The following HECW2 variants were observed in gnomAD, a reference collection of about 807,000 sequenced individuals.
HECW2 encodes HECT, C2 and WW domain containing E3 ubiquitin protein ligase 2.
A neutral mutation model predicts 175.2 loss-of-function variants in HECW2; 61 were observed. The observed-to-expected ratio is 0.35, with a 90% CI of 0.28 to 0.43. HECW2 has a LOEUF of 0.43. Ranked by LOEUF, HECW2 falls within the 20% of genes least tolerant of loss-of-function variation. HECW2 has a pLI of 1.00. For synonymous variants in HECW2, 671 were observed against 731.0 expected (o/e 0.92, Z 1.32); for missense variants, 1,524 against 2,000.5 (o/e 0.76, Z 4.54).
intron 1 of HECW2, among the ~76,000 whole-genome samples, chr2:196,496,207 A>ATG (rs577659402): frequency 7.1e-4 from 107 of 151,538 alleles, no homozygotes; most frequent in Non-Finnish European, 1.1e-3. Context: ...TTACCTTTGT[A>ATG]TGTGTGTGTG....
intron 10 of HECW2, among the ~76,000 whole-genome samples, chr2:196,309,551 T>C (rs1691403092): frequency 6.6e-6 from 1 of 152,212 alleles, no homozygotes; most frequent in Non-Finnish European, 1.5e-5. Flanking sequence ...AACACTTTGA[T>C]TTATTTCACT....
At chr2:196,324,862 C>T (rs917686739) in intron 6 of HECW2, 118 bp downstream of exon 6, 22 of 745,078 alleles carry the variant, frequency 3.0e-5, no homozygotes, top group Non-Finnish European at 4.6e-5. Context: ...GTACCCCTTC[C>T]CAGCAGAACC....
At chr2:196,502,875 A>G (rs1283058597) in intron 1 of HECW2, among the ~76,000 whole-genome samples, 1 of 152,242 alleles carries the variant, frequency 6.6e-6, no homozygotes, top group Non-Finnish European at 1.5e-5. Flanking sequence ...CAAAGAGTAC[A>G]CATGGAGGTC....
At chr2:196,270,003 A>G (rs1348683973) in intron 17 of HECW2, among the ~76,000 whole-genome samples, 1 of 152,216 alleles carries the variant, frequency 6.6e-6, no homozygotes, top group East Asian at 1.9e-4. Flanking sequence ...TTTGTATTAT[A>G]TAAAGCTTCC....
chr2:196,501,523 G>C (rs758397251), intron 1 of HECW2, among the ~76,000 whole-genome samples: 9 of 152,160 alleles, frequency 5.9e-5, no homozygotes, highest in Middle Eastern at 3.4e-3. Flanking sequence ...AGTGCTAGGA[G>C]TACAGGCATG....
intron 1 of HECW2, among the ~76,000 whole-genome samples, chr2:196,570,857 T>C (rs1315288832): frequency 1.3e-5 from 2 of 152,192 alleles, no homozygotes; most frequent in Non-Finnish European, 2.9e-5. Context: ...CTTTAGAAAG[T>C]GCATGTGAGG....
At chr2:196,357,612 C>T (rs1287295093) in intron 2 of HECW2, among the ~76,000 whole-genome samples, 1 of 152,132 alleles carries the variant, frequency 6.6e-6, no homozygotes, top group Non-Finnish European at 1.5e-5. Flanking sequence ...GCTCTGTGTC[C>T]CTACCCAAAT....
At chr2:196,295,179 T>G (rs1426274743) in intron 13 of HECW2, among the ~76,000 whole-genome samples, 1 of 151,878 alleles carries the variant, frequency 6.6e-6, no homozygotes, top group East Asian at 1.9e-4. Flanking sequence ...GAGCAGAGAG[T>G]ACTGTCAATG....
chr2:196,462,403 A>G (rs1018943630), intron 1 of HECW2, among the ~76,000 whole-genome samples: 1 of 152,198 alleles, frequency 6.6e-6, no homozygotes, highest in Admixed American at 6.5e-5. Context: ...TTTTTCTTCA[A>G]TGCAAATTCT....
At position 196,526,165 on chromosome 2, in the gene HECW2, C is replaced by G. The variant is rs575386798; in HGVS notation, c.-36+67343G>C. Among the ~76,000 whole-genome samples the G allele has an allele frequency of 7.2e-3, 207 of 28,836 alleles. 5 individuals carry two copies. Among genetic ancestry groups the G allele is most frequent in the Middle Eastern group, 0.03 (5 of 164 alleles). The allele number at this position is 28,836 out of a possible 152,430, so 18.9% of individuals were successfully genotyped here. A position where few individuals can be genotyped will look rare whatever the true frequency, so the allele number is the denominator to read the frequency against. On this transcript the variant is annotated intron_variant, in intron 1 of 28. Transcript: ENST00000644978. ...CACATAGTCCCATATTTCTTGGAGG[C>G]TTTGCTCATTTCTTTTTATTCTTTT...
At chr2:196,332,652 T>C (rs1030533601) in intron 4 of HECW2, among the ~76,000 whole-genome samples, 2 of 152,196 alleles carry the variant, frequency 1.3e-5, no homozygotes, top group African/African-American at 4.8e-5. Context: ...GATATCTAAA[T>C]ACTGAAATTG....
rs570610167 is a variant in HECW2, at chr2:196,463,739, G to C, written c.-35-30281C>G. Among the ~76,000 whole-genome samples the C allele has an allele frequency of 6.6e-5, 10 of 152,214 alleles. No individual in the cohort carries two copies. The South Asian group carries it at 2.1e-3, about 32-fold the overall frequency. On this transcript the variant is annotated intron_variant, in intron 1 of 28. Transcript: ENST00000644978. ...ATAACACTGTTTTTTGTTATAATCT[G>C]CCTCACTCTGAAACCTTCTACCCTT...
intron 14 of HECW2, among the ~76,000 whole-genome samples, chr2:196,280,855 T>C (rs764903032): frequency 7.9e-5 from 12 of 152,228 alleles, no homozygotes; most frequent in Non-Finnish European, 1.8e-4. Context: ...AATACCTATT[T>C]TTAAATAATA....
intron 2 of HECW2, among the ~76,000 whole-genome samples, chr2:196,427,415 T>C (rs1340254477): frequency 6.6e-6 from 1 of 152,142 alleles, no homozygotes; most frequent in Non-Finnish European, 1.5e-5. Context: ...GAAGTGTTTG[T>C]TTTTCTTTTG....
At position 196,543,040 on chromosome 2, in the gene HECW2, A is replaced by C. The variant is rs548720455; in HGVS notation, c.-36+50468T>G. 1.0e-3 allele frequency among the ~76,000 whole-genome samples: 153 copies of C among 150,078 alleles called. 2 individuals carry two copies. The highest frequency in any genetic ancestry group is 9.6e-3 in the South Asian group (46 of 4,792). On this transcript the variant is annotated intron_variant, in intron 1 of 28. Transcript: ENST00000644978. ...TGTAATACACACACACACACAAAGG[A>C]AAAAAGGACAACAGTAAGTTTGTCA...
rs375270582 is a variant in HECW2 at position 196,269,021 on chromosome 2, A to C, written c.3335+2172T>G. Among the ~76,000 whole-genome samples, 5 of 152,358 alleles carry C rather than the reference A, an allele frequency of 3.3e-5. No homozygotes were observed. The East Asian group carries it at 9.6e-4, about 29-fold the overall frequency. ...TTATTATAATTTTTCCGTGGTTAAG[A>C]ACAGCATGCTTATGTTGGGGAAGGC... is the stretch of plus-strand genomic sequence containing the variant. On this transcript the variant is annotated intron_variant, in intron 17 of 28. Transcript: ENST00000644978.
At chr2:196,406,352 C>T (rs1490828066) in intron 2 of HECW2, among the ~76,000 whole-genome samples, 5 of 152,212 alleles carry the variant, frequency 3.3e-5, no homozygotes, top group African/African-American at 1.2e-4. Flanking sequence ...CTGTTTCCCA[C>T]ACCAATCTAA....
rs181735392 is a variant in HECW2 at position 196,203,075 on chromosome 2, A to G, written c.4608-1687T>C. On this transcript the variant is annotated intron_variant, in intron 28 of 28. Transcript: ENST00000644978. ...TTTCTACTTGTGGCATCATGTTGGC[A>G]CTCAAAAAGTTTTGGATTTTGGAGC... is the stretch of plus-strand genomic sequence containing the variant. Among the ~76,000 whole-genome samples the G allele has an allele frequency of 7.9e-5, 12 of 152,218 alleles. No individual in the cohort carries two copies. In the East Asian group the frequency reaches 1.5e-3, roughly 20 times the overall value.
intron 1 of HECW2, among the ~76,000 whole-genome samples, chr2:196,521,135 T>C (rs1050437183): frequency 6.6e-6 from 1 of 151,812 alleles, no homozygotes; most frequent in Non-Finnish European, 1.5e-5. Context: ...CAAAGCTCTT[T>C]TGTAGGTAAA....
Sources: gnomAD v4.1 joint callset for allele counts (sites outside exome capture counted in the v4.1 genomes callset) on GRCh38, gnomAD v4.1.1 for gene constraint, MANE v1.5 for transcripts, NCBI Gene and HGNC (gene_info 2026-07-23, HGNC 2026-07-21) for gene names.